Variants in ACTR3C observed in about 807,000 individuals in gnomAD.
ACTR3C encodes the protein actin related protein 3C.
Under a neutral mutation model 26.3 loss-of-function variants are expected in ACTR3C, and 18 were observed. The observed-to-expected ratio is 0.68, with a 90% CI of 0.47 to 1.01. The LOEUF (loss-of-function observed/expected upper bound fraction) is 1.01, where lower values mean the gene tolerates loss of function less well. ACTR3C is among the 50% of genes least tolerant of loss of function. ACTR3C has a pLI of 0.00. For synonymous variants in ACTR3C, 55 were observed against 94.5 expected, an observed-to-expected ratio of 0.58 and a Z score of 2.42; for missense variants, 184 against 250.7, an observed-to-expected ratio of 0.73 and a Z score of 1.80.
At chr7:150,102,226 G>C in the ACTR3C span, among the ~76,000 whole-genome samples, 105 of 151,658 alleles carry the variant, frequency 6.9e-4, 3 homozygotes, top group African/African-American at 2.5e-3. Flanking sequence ...TACATTTAAG[G>C]GTCTGGGATG....
chr7:150,183,248 A>G, the ACTR3C span, among the ~76,000 whole-genome samples: 1 of 148,876 alleles, frequency 6.7e-6, no homozygotes, highest in Non-Finnish European at 1.5e-5. Flanking sequence ...TGTTCCAGGT[A>G]TAGCATTAGG....
At chr7:150,220,720 G>A in the ACTR3C span, among the ~76,000 whole-genome samples, 2 of 152,286 alleles carry the variant, frequency 1.3e-5, no homozygotes, top group African/African-American at 4.8e-5. Flanking sequence ...GGGGAAACCC[G>A]CGAAAGCCAG....
the ACTR3C span, among the ~76,000 whole-genome samples, chr7:149,927,157 C>G: frequency 6.6e-6 from 1 of 152,140 alleles, no homozygotes; most frequent in East Asian, 1.9e-4. Flanking sequence ...CACTTCCACC[C>G]ACTCCCAGGG....
the ACTR3C span, among the ~76,000 whole-genome samples, chr7:150,120,629 C>T: frequency 5.9e-5 from 9 of 152,020 alleles, no homozygotes; most frequent in Admixed American, 1.3e-4. Context: ...CAGGACCAGA[C>T]GGATTCACAG....
chr7:150,086,965 T>C, the ACTR3C span, among the ~76,000 whole-genome samples: 4 of 152,172 alleles, frequency 2.6e-5, no homozygotes, highest in African/African-American at 7.2e-5. Context: ...GACAAGAAAG[T>C]AGGCTCAAAA....
At chr7:150,028,581 A>G in the ACTR3C span, among the ~76,000 whole-genome samples, 19 of 152,408 alleles carry the variant, frequency 1.2e-4, no homozygotes, top group African/African-American at 4.6e-4. Flanking sequence ...TCCCGTGGGC[A>G]CCTGTTTGTG....
At chr7:150,088,133 G>A in the ACTR3C span, among the ~76,000 whole-genome samples, 2 of 152,100 alleles carry the variant, frequency 1.3e-5, no homozygotes, top group Non-Finnish European at 2.9e-5. Context: ...TCTATGAATT[G>A]TCTTTTCATT....
chr7:150,094,880 T>C, the ACTR3C span, among the ~76,000 whole-genome samples: 1 of 150,016 alleles, frequency 6.7e-6, no homozygotes, highest in Non-Finnish European at 1.5e-5. Flanking sequence ...GAAGGTGAAG[T>C]GAGAGTCCAA....
At chr7:150,194,831 C>T in the ACTR3C span, among the ~76,000 whole-genome samples, 3 of 152,108 alleles carry the variant, frequency 2.0e-5, no homozygotes, top group African/African-American at 4.8e-5. Context: ...TGGTGCCTCA[C>T]ACCTGTAATC....
the ACTR3C span, among the ~76,000 whole-genome samples, chr7:150,208,578 T>C: frequency 6.6e-6 from 1 of 152,184 alleles, no homozygotes; most frequent in Non-Finnish European, 1.5e-5. Flanking sequence ...ATAATTATAA[T>C]CATAGTTAAT....
At chr7:150,123,606 CACACACAA>C in the ACTR3C span, among the ~76,000 whole-genome samples, 622 of 141,798 alleles carry the variant, frequency 4.4e-3, 1 homozygote, top group African/African-American at 0.015. Context: ...CACACACACA[CACACACAA>C]ACACACACCC....
At chr7:150,201,706 C>T in the ACTR3C span, among the ~76,000 whole-genome samples, 11 of 150,110 alleles carry the variant, frequency 7.3e-5, no homozygotes, top group Non-Finnish European at 1.3e-4. Flanking sequence ...TGCAGTGAGC[C>T]GAGATTGTAC....
chr7:150,142,697 T>C, the ACTR3C span, among the ~76,000 whole-genome samples: 46 of 151,324 alleles, frequency 3.0e-4, no homozygotes, highest in South Asian at 9.2e-3. Flanking sequence ...CCCAGCTAAG[T>C]TTTGTATTTT....
the ACTR3C span, among the ~76,000 whole-genome samples, chr7:150,123,606 C>T: frequency 2.8e-5 from 4 of 141,712 alleles, no homozygotes; most frequent in African/African-American, 1.0e-4. Context: ...CACACACACA[C>T]ACACACAAAC....
At chr7:150,220,531 G>A in the ACTR3C span, among the ~76,000 whole-genome samples, 1 of 151,084 alleles carries the variant, frequency 6.6e-6, no homozygotes, top group African/African-American at 2.4e-5. Context: ...TGGGACCCCG[G>A]AGGGAAGCCG....
At chr7:150,163,564 T>C in the ACTR3C span, among the ~76,000 whole-genome samples, 1 of 151,924 alleles carries the variant, frequency 6.6e-6, no homozygotes, top group African/African-American at 2.4e-5. Flanking sequence ...AATACATATA[T>C]ATATGGAGAT....
the ACTR3C span, among the ~76,000 whole-genome samples, chr7:150,189,110 C>T: frequency 6.6e-6 from 1 of 151,192 alleles, no homozygotes; most frequent in Non-Finnish European, 1.5e-5. Flanking sequence ...AAGCTCAGTT[C>T]TCATTATCTA....
At chr7:150,122,888 C>T in the ACTR3C span, among the ~76,000 whole-genome samples, 2 of 151,220 alleles carry the variant, frequency 1.3e-5, no homozygotes, top group East Asian at 3.9e-4. Context: ...CACATATACA[C>T]CATGGAATAC....
At chr7:150,024,385 G>A in the ACTR3C span, among the ~76,000 whole-genome samples, 1 of 151,846 alleles carries the variant, frequency 6.6e-6, no homozygotes, top group Non-Finnish European at 1.5e-5. Flanking sequence ...TGCTGGCAGG[G>A]ACTGCGTGAG....
Sources: gnomAD v4.1 joint callset for allele counts (sites outside exome capture counted in the v4.1 genomes callset) on GRCh38, gnomAD v4.1.1 for gene constraint, MANE v1.5 for transcripts, NCBI Gene and HGNC (gene_info 2026-07-23, HGNC 2026-07-21) for gene names.